The following KCNAB1 variants were observed in gnomAD, a reference collection of about 807,000 sequenced individuals.
KCNAB1 encodes potassium voltage-gated channel subfamily A regulatory beta subunit 1.
Under a neutral mutation model 64.6 loss-of-function variants are expected in KCNAB1, and 35 were observed. That is an observed-to-expected ratio of 0.54 (90% CI 0.41 to 0.72). The LOEUF (loss-of-function observed/expected upper bound fraction) is 0.72. Ranked by LOEUF, KCNAB1 falls within the 30% of genes least tolerant of loss-of-function variation. The probability of loss-of-function intolerance (pLI) is 0.00; values close to 1 mark genes in which losing one functional copy is unlikely to be tolerated. For synonymous variants in KCNAB1, 177 were observed against 183.8 expected, an observed-to-expected ratio of 0.96 and a Z score of 0.30; for missense variants, 401 against 512.9, an observed-to-expected ratio of 0.78 and a Z score of 2.11.
At chr3:156,156,463 C>A (rs1715730945) in intron 1 of KCNAB1, among the ~76,000 whole-genome samples, 2 of 151,964 alleles carry the variant, frequency 1.3e-5, no homozygotes, top group African/African-American at 4.8e-5. Context: ...TAAGAAGTTA[C>A]CATAATTGCC....
chr3:156,486,457 C>A (rs150566578), intron 8 of KCNAB1, among the ~76,000 whole-genome samples: 87 of 152,298 alleles, frequency 5.7e-4, no homozygotes, highest in African/African-American at 2.0e-3. Context: ...TTCATTGCCA[C>A]CCTGGTTGGG....
chr3:156,492,285 T>C (rs1217060388), intron 8 of KCNAB1, among the ~76,000 whole-genome samples: 2 of 152,150 alleles, frequency 1.3e-5, no homozygotes, highest in Non-Finnish European at 2.9e-5. Flanking sequence ...TATTGGTTAC[T>C]TCTTTTAATT....
chr3:156,210,303 A>G (rs1714936377), intron 1 of KCNAB1, among the ~76,000 whole-genome samples: 1 of 152,206 alleles, frequency 6.6e-6, no homozygotes, highest in Non-Finnish European at 1.5e-5. Flanking sequence ...TGTTGTGTAA[A>G]GAACAGAATT....
intron 1 of KCNAB1, among the ~76,000 whole-genome samples, chr3:156,225,137 A>T (rs1716070527): frequency 6.6e-6 from 1 of 152,198 alleles, no homozygotes; most frequent in Non-Finnish European, 1.5e-5. Flanking sequence ...CTACAGACCA[A>T]TATCCCTGAT....
At chr3:156,506,793 T>A (rs1471526446) in intron 8 of KCNAB1, among the ~76,000 whole-genome samples, 1 of 152,222 alleles carries the variant, frequency 6.6e-6, no homozygotes. Context: ...TGAAGACCAC[T>A]CTTTCTTTAA....
chr3:156,363,498 C>G (rs1170003323), intron 1 of KCNAB1, among the ~76,000 whole-genome samples: 4 of 149,470 alleles, frequency 2.7e-5, no homozygotes, highest in African/African-American at 9.9e-5. Flanking sequence ...TTTTTTGAGA[C>G]AGCGTCTTGC....
chr3:156,372,644 C>G (rs989312307), intron 1 of KCNAB1, among the ~76,000 whole-genome samples: 8 of 152,178 alleles, frequency 5.3e-5, no homozygotes, highest in Admixed American at 2.0e-4. Flanking sequence ...TAGGTGTGAG[C>G]TATCATTTAT....
chr3:156,239,545 A>G (rs1361597727), intron 1 of KCNAB1, among the ~76,000 whole-genome samples: 2 of 151,944 alleles, frequency 1.3e-5, no homozygotes, highest in Non-Finnish European at 2.9e-5. Flanking sequence ...TTGCAACCTC[A>G]TCCATGTTGA....
In KCNAB1 at chr3:156,120,624, CG is replaced by C; in HGVS notation, c.15del (p.Thr6GlnfsTer15). The C allele has an allele frequency of 6.2e-7, 1 of 1,614,028 alleles. No homozygotes were observed. Among genetic ancestry groups the C allele is most frequent in the African/African-American group, 1.3e-5 (1 of 75,036 alleles). MLAA[R>X]TGAAGSQISE... The stretch of plus-strand genomic sequence containing the variant: ...AAAGATCTCCACGATGCTGGCAGCC[CG>C]GACAGGGGCAGCGGGGAGTCAGATC... On this transcript the variant is annotated frameshift_variant, in exon 1 of 14. Coordinates refer to ENST00000490337, the MANE Select transcript of KCNAB1 (RefSeq NM_172160.3). LOFTEE classifies it high-confidence loss of function.
At chr3:156,505,826 T>C (rs1416054190) in intron 8 of KCNAB1, among the ~76,000 whole-genome samples, 2 of 152,032 alleles carry the variant, frequency 1.3e-5, no homozygotes, top group South Asian at 2.1e-4. Flanking sequence ...GGGAGTGTAT[T>C]ACAAGGCTAG....
Position 156,314,204 on chromosome 3 carries a change from G to A in KCNAB1, c.276-107412G>A, listed in dbSNP as rs115227556. Among the ~76,000 whole-genome samples, 995 of 152,292 alleles carry A rather than the reference G, an allele frequency of 6.5e-3. 10 individuals are homozygous for A. The highest frequency in any genetic ancestry group is 0.023 in the African/African-American group (943 of 41,550). On this transcript the variant is annotated intron_variant, in intron 1 of 13. Coordinates refer to ENST00000490337, the MANE Select transcript of KCNAB1 (RefSeq NM_172160.3). The stretch of plus-strand genomic sequence containing the variant: ...CTGGGCACAGTTCAGAGCACTTGAG[G>A]GGCAGAGTTGGAGGTGAGAGTAAAA...
chr3:156,476,361 A>G (rs112084466), intron 8 of KCNAB1, among the ~76,000 whole-genome samples: 136 of 152,052 alleles, frequency 8.9e-4, no homozygotes, highest in African/African-American at 3.1e-3. Context: ...GTGTCCTCAT[A>G]GCTTAGTTCT....
intron 8 of KCNAB1, among the ~76,000 whole-genome samples, chr3:156,492,336 A>G (rs1405022727): frequency 6.6e-6 from 1 of 152,174 alleles, no homozygotes; most frequent in Non-Finnish European, 1.5e-5. Context: ...GAATCTGGAC[A>G]TGCTCTGTGA....
At chr3:156,441,616 A>G (rs189503934) in intron 2 of KCNAB1, among the ~76,000 whole-genome samples, 1 of 152,314 alleles carries the variant, frequency 6.6e-6, no homozygotes, top group African/African-American at 2.4e-5. Flanking sequence ...ATTGCCATTT[A>G]GTCCTAGTGT....
At chr3:156,410,966 A>G (rs1714612687) in intron 1 of KCNAB1, among the ~76,000 whole-genome samples, 1 of 152,214 alleles carries the variant, frequency 6.6e-6, no homozygotes, top group Admixed American at 6.5e-5. Flanking sequence ...ATACTTAGGA[A>G]TGAAATAGCC....
At chr3:156,257,843 T>C (rs1195517326) in intron 1 of KCNAB1, among the ~76,000 whole-genome samples, 3 of 152,122 alleles carry the variant, frequency 2.0e-5, no homozygotes, top group Non-Finnish European at 2.9e-5. Flanking sequence ...AGTTGTACAG[T>C]TATTAAGCCT....
chr3:156,465,690 G>T lies in KCNAB1; in HGVS notation c.571+4G>T. 1 of 1,611,224 alleles carries T rather than the reference G, an allele frequency of 6.2e-7. No individual in the cohort carries two copies. Among genetic ancestry groups the T allele is most frequent in the East Asian group, 2.2e-5 (1 of 44,832 alleles). ...TCAAGAAAGCATATTATTGAAGGTG[G>T]GTACTTCTGCTTCAATTTTATTTTT... On this transcript the variant is annotated splice_donor_region_variant and intron_variant, in intron 7 of 13. Transcript: ENST00000490337.
chr3:156,388,029 G>A (rs1712741387), intron 1 of KCNAB1, among the ~76,000 whole-genome samples: 2 of 152,150 alleles, frequency 1.3e-5, no homozygotes, highest in African/African-American at 4.8e-5. Flanking sequence ...TTTCATTTCT[G>A]TAGAAAAGAC....
At chr3:156,329,450 G>T (rs576539310) in intron 1 of KCNAB1, among the ~76,000 whole-genome samples, 18 of 152,122 alleles carry the variant, frequency 1.2e-4, no homozygotes, top group Admixed American at 1.2e-3. Flanking sequence ...AGATCCAAGA[G>T]TAGAGGGATC....
Sources: gnomAD v4.1 joint callset for allele counts (sites outside exome capture counted in the v4.1 genomes callset) on GRCh38, gnomAD v4.1.1 for gene constraint, MANE v1.5 for transcripts, NCBI Gene and HGNC (gene_info 2026-07-23, HGNC 2026-07-21) for gene names.